ATP8A1: variants seen among roughly 807,000 people sequenced by gnomAD.
ATP8A1 encodes phospholipid-transporting ATPase IA.
Under a neutral mutation model 177.7 loss-of-function variants are expected in ATP8A1, and 90 were observed. The ratio of observed to expected loss-of-function variants is 0.51; its 90% CI spans 0.43 to 0.60. The LOEUF is 0.60. Among genes scored for constraint, ATP8A1 ranks in the 20% least tolerant of loss-of-function variants. The probability of loss-of-function intolerance (pLI) is 0.00; values close to 1 mark genes in which losing one functional copy is unlikely to be tolerated. For synonymous variants in ATP8A1, 493 were observed against 485.9 expected, an observed-to-expected ratio of 1.01 and a Z score of -0.19; for missense variants, 1,072 against 1,392.8, an observed-to-expected ratio of 0.77 and a Z score of 3.67.
intron 20 of ATP8A1, among the ~76,000 whole-genome samples, chr4:42,535,771 GAC>G (rs1727761471): frequency 5.9e-5 from 9 of 152,166 alleles, no homozygotes; most frequent in African/African-American, 2.2e-4. Flanking sequence ...TACTATCTTA[GAC>G]CACAGTGGAA....
chr4:42,542,296 T>A (rs1394422424), intron 20 of ATP8A1, among the ~76,000 whole-genome samples: 1 of 152,196 alleles, frequency 6.6e-6, no homozygotes, highest in Non-Finnish European at 1.5e-5. Flanking sequence ...TTTTATTTTT[T>A]ATTCAAAGCT....
chr4:42,447,688 T>C (rs1577951643), intron 30 of ATP8A1, among the ~76,000 whole-genome samples: 1 of 152,306 alleles, frequency 6.6e-6, no homozygotes, highest in Non-Finnish European at 1.5e-5. Flanking sequence ...GGGCAAACTG[T>C]ATTAGAATAA....
chr4:42,422,919 G>T lies in ATP8A1; in HGVS notation c.3213-20C>A. The T allele has an allele frequency of 1.3e-6, 2 of 1,563,414 alleles. No homozygotes were observed. The highest frequency in any genetic ancestry group is 1.7e-5 in the Admixed American group (1 of 57,438). On this transcript the variant is annotated intron_variant, in intron 34 of 36. Coordinates refer to ENST00000381668, the MANE Select transcript of ATP8A1 (RefSeq NM_006095.2). ...TTGATACTGCAAAAAGAAAAAAAAA[G>T]GGATTTGCATGGAAATACTTCTGTG...
intron 23 of ATP8A1, among the ~76,000 whole-genome samples, chr4:42,506,121 G>A (rs1724342168): frequency 6.6e-6 from 1 of 152,130 alleles, no homozygotes; most frequent in Non-Finnish European, 1.5e-5. Context: ...GTTTCAATGA[G>A]ACCATAAGGG....
intron 20 of ATP8A1, among the ~76,000 whole-genome samples, chr4:42,526,165 C>G (rs184562113): frequency 1.2e-4 from 18 of 152,236 alleles, no homozygotes; most frequent in Admixed American, 2.6e-4. Context: ...TGTATCCAAA[C>G]ATTCTAGCGG....
At chr4:42,444,460 G>A (rs915055340) in intron 32 of ATP8A1, 118 bp downstream of exon 32, 2 of 940,248 alleles carry the variant, frequency 2.1e-6, no homozygotes, top group Non-Finnish European at 3.2e-6. Flanking sequence ...TTGAAAACCT[G>A]TGGACTAGGA....
At chr4:42,631,250 A>T (rs1327341680) in intron 1 of ATP8A1, among the ~76,000 whole-genome samples, 2 of 152,244 alleles carry the variant, frequency 1.3e-5, no homozygotes, top group African/African-American at 2.4e-5. Flanking sequence ...AGCCTGATGA[A>T]TTAACAAGTG....
At chr4:42,475,734 A>G (rs1455249416) in intron 25 of ATP8A1, among the ~76,000 whole-genome samples, 2 of 152,112 alleles carry the variant, frequency 1.3e-5, no homozygotes, top group Admixed American at 1.3e-4. Context: ...TTCTATCTCT[A>G]TTTTAAAGAT....
intron 24 of ATP8A1, among the ~76,000 whole-genome samples, chr4:42,500,435 A>G (rs1171133802): frequency 6.6e-6 from 1 of 152,238 alleles, no homozygotes; most frequent in Non-Finnish European, 1.5e-5. Flanking sequence ...CATATTGAGA[A>G]CACAATCAGA....
Position 42,536,860 on chromosome 4 carries a change from C to T in ATP8A1, c.1722+7057G>A, listed in dbSNP as rs140098783. 1.6e-3 allele frequency among the ~76,000 whole-genome samples: 248 copies of T among 152,236 alleles called. 1 individual carries two copies. Among genetic ancestry groups the T allele is most frequent in the African/African-American group, 5.7e-3 (238 of 41,544 alleles). On this transcript the variant is annotated intron_variant, in intron 20 of 36. Transcript: ENST00000381668. Reference sequence around the variant, plus strand: ...ACAAAAACCAGGCCCGGCATGGTGGCTCATGCCTGTAATCCCAGCCAGCAC... The same window carrying T: ...ACAAAAACCAGGCCCGGCATGGTGGTTCATGCCTGTAATCCCAGCCAGCAC...
intron 1 of ATP8A1, among the ~76,000 whole-genome samples, chr4:42,631,860 T>A (rs950523478): frequency 5.9e-5 from 9 of 152,300 alleles, no homozygotes; most frequent in African/African-American, 2.2e-4. Context: ...GAAGGTATAC[T>A]CAATTCGCAA....
intron 24 of ATP8A1, among the ~76,000 whole-genome samples, chr4:42,491,213 C>A (rs1578039995): frequency 6.6e-6 from 1 of 152,032 alleles, no homozygotes; most frequent in East Asian, 1.9e-4. Flanking sequence ...AGATCAGCTA[C>A]TTAGTCATCA....
intron 5 of ATP8A1, among the ~76,000 whole-genome samples, chr4:42,605,497 T>C (rs986153507): frequency 6.6e-6 from 1 of 152,184 alleles, no homozygotes; most frequent in Non-Finnish European, 1.5e-5. Flanking sequence ...CACAACAGGC[T>C]TCTCAGATCC....
chr4:42,567,263 G>A (rs1013533397), intron 15 of ATP8A1, among the ~76,000 whole-genome samples: 1 of 152,194 alleles, frequency 6.6e-6, no homozygotes, highest in Non-Finnish European at 1.5e-5. Context: ...TTGAGGCTGG[G>A]CATGGTGGCT....
chr4:42,477,468 G>A (rs975491525), intron 25 of ATP8A1, among the ~76,000 whole-genome samples: 41 of 152,052 alleles, frequency 2.7e-4, no homozygotes, highest in African/African-American at 9.7e-4. Context: ...CCACAGCCAA[G>A]CAATCCCATA....
chr4:42,625,700 T>A lies in ATP8A1; in HGVS notation c.178A>T (p.Asn60Tyr), dbSNP rs1381206631. 3.1e-6 allele frequency: 5 copies of A among 1,599,342 alleles called. No individual in the cohort carries two copies. In the African/African-American group the frequency reaches 6.7e-5, roughly 22 times the overall value. The change falls in exon 3 of 37, where the codon AAC (asparagine) becomes TAC (tyrosine). Residue 60 changes from asparagine (N) to tyrosine (Y), a missense_variant. By Grantham distance (143) the Asn-to-Tyr change is moderately radical. Around this residue, in one of 5 missense-constraint regions of ATP8A1, gnomAD observed 344 missense variants for 393.5 expected, o/e 0.87. Transcript: ENST00000381668. ...AATCTTGGAAGGAATGTGATTATGT[T>A]GTATTTTGCAGTGCTAGAAAACAAA... ...CNNHVSTAKYNIITFLPRFLY... is the reference protein window; with the variant it reads ...CNNHVSTAKYYIITFLPRFLY...
chr4:42,511,369 G>C (rs2153195459), intron 22 of ATP8A1, among the ~76,000 whole-genome samples: 1 of 152,226 alleles, frequency 6.6e-6, no homozygotes, highest in African/African-American at 2.4e-5. Context: ...ATGGGCACTA[G>C]GGGAATTACA....
At chr4:42,579,069 C>A (rs1317400085) in intron 11 of ATP8A1, among the ~76,000 whole-genome samples, 1 of 151,902 alleles carries the variant, frequency 6.6e-6, no homozygotes, top group East Asian at 1.9e-4. Flanking sequence ...CTAGAATTTG[C>A]TTTCACACTT....
At chr4:42,579,235 T>C (rs1732773626) in intron 11 of ATP8A1, among the ~76,000 whole-genome samples, 1 of 151,518 alleles carries the variant, frequency 6.6e-6, no homozygotes, top group Non-Finnish European at 1.5e-5. Context: ...AAGATAACAT[T>C]TAATATAGGA....
Sources: allele counts gnomAD v4.1 joint callset (sites outside exome capture counted in the v4.1 genomes callset), GRCh38; gene constraint gnomAD v4.1.1; regional missense constraint gnomAD v4.1.1; transcripts MANE v1.5; gene names NCBI Gene and HGNC (gene_info 2026-07-23, HGNC 2026-07-21).